COL4A4: variants seen among roughly 807,000 people sequenced by gnomAD.
COL4A4 encodes collagen alpha-4(IV) chain.
A neutral mutation model predicts 192.9 loss-of-function variants in COL4A4; 105 were observed. The ratio of observed to expected loss-of-function variants is 0.54; its 90% CI spans 0.46 to 0.64. The LOEUF is 0.64. Ranked by LOEUF, COL4A4 falls within the 30% of genes least tolerant of loss-of-function variation. The pLI is 0.00. For missense variants in COL4A4, 1,967 were observed against 2,169.3 expected, an observed-to-expected ratio of 0.91 and a Z score of 1.85; for synonymous variants, 762 against 769.9, an observed-to-expected ratio of 0.99 and a Z score of 0.17.
At chr2:227,148,008 A>G (rs2063663077) in intron 1 of COL4A4, among the ~76,000 whole-genome samples, 1 of 152,108 alleles carries the variant, frequency 6.6e-6, no homozygotes, top group Non-Finnish European at 1.5e-5. Flanking sequence ...ACAAACATAC[A>G]TTTTTGTATA....
rs998539604 is a variant in COL4A4 at position 227,006,812 on chromosome 2, T to G, written c.*513A>C. On this transcript the variant is annotated 3_prime_UTR_variant, in exon 48 of 48. Transcript: ENST00000396625. ...CTCTCTTTGCGTCATGGTTTTACCATTATTTAAAGTATATGGAAAAATAGA... is the reference window on the plus strand; with the variant it reads ...CTCTCTTTGCGTCATGGTTTTACCAGTATTTAAAGTATATGGAAAAATAGA... 6.4e-6 allele frequency: 1 copy of G among 155,736 alleles called. No individual in the cohort carries two copies. The highest frequency in any genetic ancestry group is 2.4e-5 in the African/African-American group (1 of 41,328). The allele number at this position is 155,736 out of a possible 1,614,324, so 9.6% of individuals were successfully genotyped here. A position where few individuals can be genotyped will look rare whatever the true frequency, so the allele number is the denominator to read the frequency against.
chr2:226,988,554 G>A, the COL4A4 span: 13 of 1,414,626 alleles, frequency 9.2e-6, no homozygotes, highest in Non-Finnish European at 1.1e-5. Context: ...CCCTCTCTGC[G>A]GACTGGTGTG....
chr2:227,137,461 T>C (rs772529390), intron 4 of COL4A4, among the ~76,000 whole-genome samples: 1 of 152,198 alleles, frequency 6.6e-6, no homozygotes, highest in Non-Finnish European at 1.5e-5. Context: ...TTTAGAACTG[T>C]TGGGAATTTA....
intron 44 of COL4A4, among the ~76,000 whole-genome samples, chr2:227,021,118 C>T (rs1291771694): frequency 4.6e-5 from 7 of 152,032 alleles, no homozygotes; most frequent in African/African-American, 1.7e-4. Flanking sequence ...CCACCCACCT[C>T]GGCCTCCCAC....
chr2:226,987,390 G>A, the COL4A4 span, among the ~76,000 whole-genome samples: 1 of 152,202 alleles, frequency 6.6e-6, no homozygotes, highest in East Asian at 1.9e-4. Flanking sequence ...GACAAAATGT[G>A]TTGGAGGACA....
At chr2:227,146,016 T>A (rs1457469035) in intron 2 of COL4A4, among the ~76,000 whole-genome samples, 1 of 152,238 alleles carries the variant, frequency 6.6e-6, no homozygotes, top group Non-Finnish European at 1.5e-5. Flanking sequence ...CACTGGACAT[T>A]TTTAAATAGG....
the COL4A4 span, among the ~76,000 whole-genome samples, chr2:226,970,426 A>G: frequency 4.6e-5 from 7 of 152,134 alleles, no homozygotes; most frequent in South Asian, 2.1e-4. Context: ...GTCTCATGAT[A>G]TGAGTCTCAT....
Position 227,133,527 on chromosome 2 carries a change from C to T in COL4A4, c.192+6634G>A, listed in dbSNP as rs900044857. Among the ~76,000 whole-genome samples the T allele has an allele frequency of 9.2e-5, 14 of 152,270 alleles. No individual in the cohort carries two copies. The East Asian group carries it at 9.6e-4, about 10-fold the overall frequency. On this transcript the variant is annotated intron_variant, in intron 4 of 47. Transcript: ENST00000396625. The stretch of plus-strand genomic sequence containing the variant: ...CTTCTACCACTATAATTTATTAATA[C>T]GCCAAAAAGCATTAAATGATAGGCA...
intron 1 of COL4A4, among the ~76,000 whole-genome samples, chr2:227,160,980 A>G (rs1170265968): frequency 2.6e-5 from 4 of 152,228 alleles, no homozygotes; most frequent in Non-Finnish European, 5.9e-5. Context: ...ATGAAATGAA[A>G]CAAGATTAAT....
At chr2:227,012,526 A>C (rs1963962792) in intron 44 of COL4A4, among the ~76,000 whole-genome samples, 1 of 152,044 alleles carries the variant, frequency 6.6e-6, no homozygotes, top group South Asian at 2.1e-4. Context: ...TGCTTAATTA[A>C]AGTCAGTGAT....
At position 227,123,233 on chromosome 2, in the gene COL4A4, G is replaced by T. The variant is rs1159162746; in HGVS notation, c.193-2085C>A. Among the ~76,000 whole-genome samples, 1 of 152,182 alleles carries T rather than the reference G, an allele frequency of 6.6e-6. No individual in the cohort carries two copies. Among genetic ancestry groups the T allele is most frequent in the East Asian group, 1.9e-4 (1 of 5,188 alleles). ...AGACACCAGGAGGGAGATGGGGCAG[G>T]AGCCCCGTAAAAATAGTGCAAGAAC... On this transcript the variant is annotated intron_variant, in intron 4 of 47. Transcript: ENST00000396625. The surrounding 1 kb of genome is among the most constrained non-coding windows in gnomAD (Gnocchi z 4.6).
intron 35 of COL4A4, 45 bp from the exon 36 acceptor site, chr2:227,043,229 T>A: frequency 6.7e-7 from 1 of 1,501,336 alleles, no homozygotes; most frequent in African/African-American, 1.4e-5. Context: ...TTTGAGACAG[T>A]GAATCTTTAA....
At chr2:227,023,461 AAG>A (rs1966415845) in intron 43 of COL4A4, among the ~76,000 whole-genome samples, 3 of 151,972 alleles carry the variant, frequency 2.0e-5, no homozygotes, top group African/African-American at 7.2e-5. Context: ...AAAAAGAAAA[AAG>A]AAAACCACTA....
chr2:227,051,273 G>A (rs943555396), intron 32 of COL4A4, 115 bp from the exon 33 acceptor site: 8 of 1,086,688 alleles, frequency 7.4e-6, no homozygotes, highest in Admixed American at 6.9e-5. Context: ...TGAGGATTCT[G>A]ATTGCTGTCC....
Position 227,008,048 on chromosome 2 carries a change from C to T in COL4A4, c.4779G>A (p.Arg1593=), listed in dbSNP as rs751561029. ...QSIPPCPQTW[R]SLWIGYSFLM... ...GGAATGAATACCCGATCCAGAGGCT[C>T]CTCCAGGTCTGCGGACATGGGGGGA... The change falls in exon 47 of 48, where the codon AGG becomes AGA. Residue 1593 remains arginine (R), a synonymous_variant. Coordinates refer to ENST00000396625, the MANE Select transcript of COL4A4 (RefSeq NM_000092.5). 1.7e-5 allele frequency: 28 copies of T among 1,613,392 alleles called. No individual in the cohort carries two copies. In the East Asian group the frequency reaches 5.3e-4, roughly 31 times the overall value.
Position 227,025,796 on chromosome 2 carries a change from G to A in COL4A4, c.4090+6C>T. 1.2e-6 allele frequency: 2 copies of A among 1,612,752 alleles called. No homozygotes were observed. The highest frequency in any genetic ancestry group is 1.7e-6 in the Non-Finnish European group (2 of 1,179,066). ...GGGAAATTACCAATTTTATAGCAAA[G>A]CTTACCTCTGGGACCTAGAGGGATC... On this transcript the variant is annotated splice_donor_region_variant and intron_variant, in intron 43 of 47. Coordinates refer to ENST00000396625, the MANE Select transcript of COL4A4 (RefSeq NM_000092.5).
intron 6 of COL4A4, 68 bp from the exon 7 acceptor site, chr2:227,118,829 T>C: frequency 1.0e-6 from 1 of 962,384 alleles, no homozygotes; most frequent in South Asian, 1.3e-5. Flanking sequence ...TTATGCAATA[T>C]GAATACTCAA....
intron 1 of COL4A4, among the ~76,000 whole-genome samples, chr2:227,149,836 G>A (rs1478546255): frequency 6.6e-6 from 1 of 152,112 alleles, no homozygotes; most frequent in Non-Finnish European, 1.5e-5. Context: ...GAGTTTCTCA[G>A]TACATTTTAA....
At chr2:227,132,114 C>T (rs907759044) in intron 4 of COL4A4, among the ~76,000 whole-genome samples, 1 of 152,236 alleles carries the variant, frequency 6.6e-6, no homozygotes, top group Non-Finnish European at 1.5e-5. Context: ...CCACCCGGTT[C>T]AAGCTCAAGT....
Sources: allele counts gnomAD v4.1 joint callset (sites outside exome capture counted in the v4.1 genomes callset), GRCh38; gene constraint gnomAD v4.1.1; non-coding constraint Gnocchi (gnomAD v3.1); transcripts MANE v1.5; gene names NCBI Gene and HGNC (gene_info 2026-07-23, HGNC 2026-07-21).